The following AFG2A variants were observed in gnomAD, a reference collection of about 807,000 sequenced individuals.
AFG2A encodes the protein AAA ATPase AFG2A.
chr4:123,295,037 C>T, the AFG2A span, among the ~76,000 whole-genome samples: 2 of 152,202 alleles, frequency 1.3e-5, no homozygotes, highest in African/African-American at 2.4e-5. Context: ...ACTTTAGAAG[C>T]AGTGTCTGAG....
At chr4:123,280,323 A>G in the AFG2A span, among the ~76,000 whole-genome samples, 1 of 152,202 alleles carries the variant, frequency 6.6e-6, no homozygotes, top group Non-Finnish European at 1.5e-5. Context: ...TACTTTTTTT[A>G]AATTAATAAA....
chr4:123,055,735 G>GAC, the AFG2A span, among the ~76,000 whole-genome samples: 1 of 152,236 alleles, frequency 6.6e-6, no homozygotes, highest in East Asian at 1.9e-4. Flanking sequence ...GGGAGAGAGA[G>GAC]ACACACACAC....
chr4:123,077,283 G>A, the AFG2A span, among the ~76,000 whole-genome samples: 2 of 151,904 alleles, frequency 1.3e-5, no homozygotes, highest in Admixed American at 1.3e-4. Context: ...TCCTGACCTC[G>A]TGATCTGCCT....
chr4:123,158,752 GAGGA>G, the AFG2A span, among the ~76,000 whole-genome samples: 1 of 152,172 alleles, frequency 6.6e-6, no homozygotes, highest in Admixed American at 6.5e-5. Flanking sequence ...GCAGCAGTCA[GAGGA>G]AGGAAGTCAG....
the AFG2A span, among the ~76,000 whole-genome samples, chr4:123,245,334 G>T: frequency 0.63 from 95,623 of 152,018 alleles, 30,930 homozygotes; most frequent in Admixed American, 0.69. Context: ...AATATCTAAG[G>T]AAGTTCTTCA....
the AFG2A span, among the ~76,000 whole-genome samples, chr4:122,974,882 C>T: frequency 5.1e-4 from 77 of 152,150 alleles, no homozygotes; most frequent in Non-Finnish European, 8.5e-4. Flanking sequence ...TCAGGTGATC[C>T]GCTTGCCTTG....
chr4:123,207,305 T>G, the AFG2A span, among the ~76,000 whole-genome samples: 1 of 149,216 alleles, frequency 6.7e-6, no homozygotes, highest in Admixed American at 6.7e-5. Context: ...TTTTTTTTTT[T>G]TGTGAGACAC....
chr4:123,078,872 C>T, the AFG2A span, among the ~76,000 whole-genome samples: 11 of 152,168 alleles, frequency 7.2e-5, no homozygotes, highest in Non-Finnish European at 1.5e-4. Context: ...ACATTAAAGC[C>T]CCCAGTCCTC....
chr4:123,300,470 G>T, the AFG2A span, among the ~76,000 whole-genome samples: 1 of 152,084 alleles, frequency 6.6e-6, no homozygotes, highest in Middle Eastern at 3.2e-3. Flanking sequence ...TAGTGGACCT[G>T]CAGGAAATAG....
At chr4:123,261,072 C>A in the AFG2A span, among the ~76,000 whole-genome samples, 3 of 152,152 alleles carry the variant, frequency 2.0e-5, no homozygotes, top group African/African-American at 7.2e-5. Context: ...AGAACAGTTT[C>A]ATTCCGAAAC....
chr4:123,284,370 A>T, the AFG2A span, among the ~76,000 whole-genome samples: 1 of 152,238 alleles, frequency 6.6e-6, no homozygotes, highest in African/African-American at 2.4e-5. Flanking sequence ...CCTTGAAAGG[A>T]CAAAACGATG....
chr4:123,163,089 A>G, the AFG2A span, among the ~76,000 whole-genome samples: 1 of 152,230 alleles, frequency 6.6e-6, no homozygotes, highest in Non-Finnish European at 1.5e-5. Context: ...CACTAGCTGT[A>G]CATCCATAGT....
At chr4:123,014,635 A>G in the AFG2A span, among the ~76,000 whole-genome samples, 1 of 152,214 alleles carries the variant, frequency 6.6e-6, no homozygotes, top group African/African-American at 2.4e-5. Context: ...AGATTTTAAT[A>G]TAACCATTAA....
At chr4:123,262,418 A>G in the AFG2A span, among the ~76,000 whole-genome samples, 2 of 152,234 alleles carry the variant, frequency 1.3e-5, no homozygotes, top group South Asian at 2.1e-4. Context: ...CCCACAGCAA[A>G]TAAGTGACAA....
the AFG2A span, among the ~76,000 whole-genome samples, chr4:122,940,591 A>T: frequency 6.6e-6 from 1 of 151,738 alleles, no homozygotes; most frequent in Non-Finnish European, 1.5e-5. Context: ...TTCCCTGTTC[A>T]CTCTGATGGT....
chr4:123,072,811 C>A, the AFG2A span, among the ~76,000 whole-genome samples: 1 of 150,472 alleles, frequency 6.6e-6, no homozygotes, highest in African/African-American at 2.4e-5. Flanking sequence ...TATTCAAATG[C>A]ATTTGTTTAT....
the AFG2A span, among the ~76,000 whole-genome samples, chr4:123,004,176 G>T: frequency 6.6e-6 from 1 of 152,208 alleles, no homozygotes; most frequent in Non-Finnish European, 1.5e-5. Flanking sequence ...GCAGTGTTCA[G>T]GTGGGAGTGG....
the AFG2A span, among the ~76,000 whole-genome samples, chr4:122,945,862 C>T: frequency 6.6e-6 from 1 of 152,314 alleles, no homozygotes; most frequent in East Asian, 1.9e-4. Flanking sequence ...AAAGGTTTGG[C>T]ACTAAGTCAC....
At chr4:123,228,081 A>T in the AFG2A span, among the ~76,000 whole-genome samples, 125,248 of 152,068 alleles carry the variant, frequency 0.82, 52,045 homozygotes, top group Non-Finnish European at 0.86. Flanking sequence ...TTCCTCCATC[A>T]CTTTGTTTTG....
Sources: gnomAD v4.1 joint callset for allele counts (sites outside exome capture counted in the v4.1 genomes callset) on GRCh38, gnomAD v4.1.1 for gene constraint, MANE v1.5 for transcripts, NCBI Gene and HGNC (gene_info 2026-07-23, HGNC 2026-07-21) for gene names.